MGAT4C: variants seen among roughly 807,000 people sequenced by gnomAD.
MGAT4C encodes MGAT4 family member C.
In MGAT4C, 19 loss-of-function variants were observed where a neutral mutation model predicts 40.1. The ratio of observed to expected loss-of-function variants is 0.47; its 90% CI spans 0.33 to 0.70. The LOEUF (loss-of-function observed/expected upper bound fraction) is 0.70, where lower values mean the gene tolerates loss of function less well. MGAT4C is among the 30% of genes least tolerant of loss of function. MGAT4C has a pLI of 0.02. For missense variants in MGAT4C, 491 were observed against 563.2 expected, an observed-to-expected ratio of 0.87 and a Z score of 1.30; for synonymous variants, 181 against 187.1, an observed-to-expected ratio of 0.97 and a Z score of 0.27.
chr12:86,592,393 A>C (rs1961362448), intron 2 of MGAT4C, among the ~76,000 whole-genome samples: 1 of 152,090 alleles, frequency 6.6e-6, no homozygotes, highest in Non-Finnish European at 1.5e-5. Context: ...TTCTTCAAAA[A>C]CGGCTGTGAA....
In MGAT4C at chr12:86,223,018, A is replaced by G. The variant is rs191849302; in HGVS notation, c.-57+33221T>C. 2.3e-3 allele frequency among the ~76,000 whole-genome samples: 356 copies of G among 152,292 alleles called. 1 individual carries two copies. Among genetic ancestry groups the G allele is most frequent in the African/African-American group, 7.9e-3 (330 of 41,568 alleles). The stretch of plus-strand genomic sequence containing the variant: ...ACAGAGGGAGCTGCCTAGAGAGTGC[A>G]CAGAGGCATTGTTCGAGAGAGGGAA... On this transcript the variant is annotated intron_variant, in intron 1 of 4. Coordinates refer to ENST00000611864, the MANE Select transcript of MGAT4C (RefSeq NM_001351288.2).
At chr12:86,473,069 C>A (rs921427596) in intron 2 of MGAT4C, among the ~76,000 whole-genome samples, 1 of 152,104 alleles carries the variant, frequency 6.6e-6, no homozygotes, top group African/African-American at 2.4e-5. Flanking sequence ...AATTCTCCTG[C>A]CTCAGCTTCC....
At chr12:86,203,648 T>C (rs929386874) in intron 1 of MGAT4C, among the ~76,000 whole-genome samples, 12 of 152,166 alleles carry the variant, frequency 7.9e-5, no homozygotes, top group African/African-American at 2.9e-4. Context: ...ATTTTCCTTC[T>C]TTCAAGGATA....
chr12:86,450,586 A>G (rs1957409513), intron 2 of MGAT4C, among the ~76,000 whole-genome samples: 1 of 152,120 alleles, frequency 6.6e-6, no homozygotes, highest in Non-Finnish European at 1.5e-5. Context: ...AACTATATCA[A>G]AGTAACGACT....
intron 1 of MGAT4C, among the ~76,000 whole-genome samples, chr12:86,110,287 ATATATAGTCTCTC>A (rs1222231342): frequency 7.2e-5 from 3 of 41,760 alleles, no homozygotes; most frequent in South Asian, 9.0e-4. Flanking sequence ...TAGTCTATAT[ATATATAGTCTCTC>A]TATATATATA....
At chr12:86,481,440 T>C (rs1319326979) in intron 2 of MGAT4C, among the ~76,000 whole-genome samples, 1 of 152,104 alleles carries the variant, frequency 6.6e-6, no homozygotes, top group Non-Finnish European at 1.5e-5. Flanking sequence ...TTAAGAGACA[T>C]AAATGTGTGT....
intron 4 of MGAT4C, among the ~76,000 whole-genome samples, chr12:86,296,274 C>T (rs987425757): frequency 1.3e-5 from 2 of 152,004 alleles, no homozygotes; most frequent in African/African-American, 2.4e-5. Flanking sequence ...GGTGTATTTA[C>T]AATCCCTGAG....
chr12:86,815,950 A>T (rs1952596846), intron 1 of MGAT4C, among the ~76,000 whole-genome samples: 1 of 151,884 alleles, frequency 6.6e-6, no homozygotes, highest in South Asian at 2.1e-4. Flanking sequence ...CCACTAAAGA[A>T]CTTACTCTTG....
At chr12:86,644,003 A>G (rs1963466870) in intron 2 of MGAT4C, among the ~76,000 whole-genome samples, 1 of 151,740 alleles carries the variant, frequency 6.6e-6, no homozygotes, top group African/African-American at 2.4e-5. Context: ...TGTAAAAAAT[A>G]ATTCAGGTTC....
At chr12:86,053,762 C>T (rs1490919208) in intron 1 of MGAT4C, among the ~76,000 whole-genome samples, 1 of 151,696 alleles carries the variant, frequency 6.6e-6, no homozygotes, top group African/African-American at 2.4e-5. Flanking sequence ...TAAAAATGGG[C>T]CAAGTACAGG....
At chr12:86,153,837 T>C (rs529591963) in intron 1 of MGAT4C, among the ~76,000 whole-genome samples, 2 of 152,356 alleles carry the variant, frequency 1.3e-5, no homozygotes, top group African/African-American at 4.8e-5. Context: ...CATTCCTTTG[T>C]AAATTTCCCA....
rs547182480 is a variant in MGAT4C at position 86,629,030 on chromosome 12, C to T, written c.-229+98179G>A. ...GACCCATTTCATATGCAGAGACACACATAGGCTCAAAATAAAGGGATGGAG... is the reference window on the plus strand; with the variant it reads ...GACCCATTTCATATGCAGAGACACATATAGGCTCAAAATAAAGGGATGGAG... On this transcript the variant is annotated intron_variant, in intron 2 of 7. Coordinates refer to the MGAT4C transcript ENST00000548651. 1.1e-4 allele frequency among the ~76,000 whole-genome samples: 16 copies of T among 151,886 alleles called. No individual in the cohort carries two copies. The East Asian group carries it at 2.9e-3, about 28-fold the overall frequency.
intron 2 of MGAT4C, among the ~76,000 whole-genome samples, chr12:86,699,151 T>C (rs1347871989): frequency 1.3e-5 from 2 of 152,170 alleles, no homozygotes; most frequent in East Asian, 3.8e-4. Flanking sequence ...ATGAGGTAGA[T>C]AAATAAATAC....
chr12:86,488,401 T>C (rs1009322357), intron 2 of MGAT4C, among the ~76,000 whole-genome samples: 2 of 150,600 alleles, frequency 1.3e-5, no homozygotes, highest in Non-Finnish European at 3.0e-5. Flanking sequence ...TACTCCAGCC[T>C]GGGTGACAGG....
chr12:86,668,958 G>A (rs1187578708), intron 2 of MGAT4C, among the ~76,000 whole-genome samples: 3 of 152,066 alleles, frequency 2.0e-5, no homozygotes, highest in African/African-American at 7.2e-5. Flanking sequence ...CCAGCAGCCT[G>A]AGCTGCCTCA....
At chr12:86,121,982 T>A (rs2135683953) in intron 1 of MGAT4C, among the ~76,000 whole-genome samples, 1 of 152,304 alleles carries the variant, frequency 6.6e-6, no homozygotes, top group East Asian at 1.9e-4. Context: ...CGTGAAACAT[T>A]AACACAAGTA....
At chr12:86,717,708 G>C (rs979180344) in intron 2 of MGAT4C, among the ~76,000 whole-genome samples, 2 of 152,050 alleles carry the variant, frequency 1.3e-5, no homozygotes, top group African/African-American at 4.8e-5. Context: ...GAGGAAAAAA[G>C]TGCAAGAAAT....
rs568098811 is a variant in MGAT4C at position 86,619,253 on chromosome 12, A to G, written c.-229+107956T>C. On this transcript the variant is annotated intron_variant, in intron 2 of 7. Coordinates refer to the MGAT4C transcript ENST00000548651. ...TAGATATATATGTCTTGTTTTCAAT[A>G]TAACTAAACTAAATTTTCCCTTTTA... Among the ~76,000 whole-genome samples, 5 of 152,240 alleles carry G rather than the reference A, an allele frequency of 3.3e-5. No individual in the cohort carries two copies. The South Asian group carries it at 1.0e-3, about 32-fold the overall frequency.
At chr12:86,752,758 T>C (rs1490405536) in intron 1 of MGAT4C, among the ~76,000 whole-genome samples, 1 of 152,128 alleles carries the variant, frequency 6.6e-6, no homozygotes, top group Non-Finnish European at 1.5e-5. Context: ...CATGCATATC[T>C]AGACAACAGA....
Sources: allele counts gnomAD v4.1 joint callset (sites outside exome capture counted in the v4.1 genomes callset), GRCh38; gene constraint gnomAD v4.1.1; transcripts MANE v1.5; gene names NCBI Gene and HGNC (gene_info 2026-07-23, HGNC 2026-07-21).